Variants in TTC34 observed in about 807,000 individuals in gnomAD.
TTC34 encodes the protein tetratricopeptide repeat protein 34.
In TTC34, 44 loss-of-function variants were observed where a neutral mutation model predicts 40.7. The observed-to-expected ratio is 1.08, with a 90% CI of 0.85 to 1.39. The LOEUF is 1.39. Among genes scored for constraint, TTC34 ranks in the 40% most tolerant of loss-of-function variants. The probability of loss-of-function intolerance (pLI) is 0.00; values close to 1 mark genes in which losing one functional copy is unlikely to be tolerated. For missense variants in TTC34, 884 were observed against 838.0 expected (o/e 1.05, Z -0.68); for synonymous variants, 422 against 398.6 (o/e 1.06, Z -0.70).
chr1:2,677,736 AG>A (rs1639964983), intron 6 of TTC34, among the ~76,000 whole-genome samples: 1 of 150,078 alleles, frequency 6.7e-6, no homozygotes, highest in Non-Finnish European at 1.5e-5. Context: ...CTGCACCCCC[AG>A]GTGAGCATCT....
At chr1:2,646,463 C>T (rs1268045608) in intron 6 of TTC34, among the ~76,000 whole-genome samples, 1 of 152,196 alleles carries the variant, frequency 6.6e-6, no homozygotes, top group East Asian at 1.9e-4. Context: ...TGGTTCACTG[C>T]AACCTTGAGC....
At chr1:2,783,861 G>T in intron 5 of TTC34, 86 bp from the exon 6 acceptor site, 2 of 1,274,848 alleles carry the variant, frequency 1.6e-6, no homozygotes, top group East Asian at 2.9e-5. Context: ...GGAGGGCAGA[G>T]GGTGCATGAG....
intron 5 of TTC34, among the ~76,000 whole-genome samples, chr1:2,784,746 T>C (rs1403063384): frequency 6.6e-6 from 1 of 152,260 alleles, no homozygotes; most frequent in Non-Finnish European, 1.5e-5. Flanking sequence ...TAATGATTAA[T>C]AATGATTAAT....
intron 6 of TTC34, chr1:2,776,270 G>C (rs1643152702): frequency 9.0e-6 from 1 of 111,684 alleles, no homozygotes; most frequent in Admixed American, 8.3e-5. Flanking sequence ...CGACAGCCTG[G>C]AACAGCAGCT....
At position 2,796,273 on chromosome 1, in the gene TTC34, G is replaced by A. The variant is rs1256761410; in HGVS notation, c.784+3771C>T. Among the ~76,000 whole-genome samples the A allele has an allele frequency of 2.0e-5, 3 of 152,190 alleles. No individual in the cohort carries two copies. Among genetic ancestry groups the A allele is most frequent in the African/African-American group, 7.2e-5 (3 of 41,438 alleles). ...CGACTGGTTTGTGCAATGTTTCCAA[G>A]GACTTTGGAAAGTAACCTCCAGATG... is the stretch of plus-strand genomic sequence containing the variant. On this transcript the variant is annotated intron_variant, in intron 2 of 8. Transcript: ENST00000401095. The surrounding 1 kb of genome is among the most constrained non-coding windows in gnomAD (Gnocchi z 4.5).
At position 2,645,205 on chromosome 1, in the gene TTC34, T is replaced by C. The variant is rs942178540; in HGVS notation, c.2497+88A>G. 3.7e-6 allele frequency: 5 copies of C among 1,347,122 alleles called. No individual in the cohort carries two copies. The African/African-American group carries it at 6.0e-5, about 16-fold the overall frequency. 83.4% of individuals were successfully genotyped at this position (1,347,122 alleles called of 1,614,324 possible). On this transcript the variant is annotated intron_variant, in intron 7 of 8. Coordinates refer to ENST00000401095, the Ensembl canonical transcript of TTC34. This position sits in a 1 kb window ranked among gnomAD's most constrained non-coding sequence, Gnocchi z 4.7. ...GCTGTTGTGGTCCGGGTCTCTTTCT[T>C]CCATTTTTACAGAACAGGATACAGA...
At chr1:2,701,469 T>G (rs1263117228) in intron 6 of TTC34, among the ~76,000 whole-genome samples, 14 of 13,386 alleles carry the variant, frequency 1.0e-3, no homozygotes, top group Admixed American at 1.6e-3. Context: ...AATCCCAGGT[T>G]AGCATCTGAC....
rs1446597125 is a variant in TTC34 at position 2,796,630 on chromosome 1, C to A, written c.784+3414G>T. On this transcript the variant is annotated intron_variant, in intron 2 of 8. Coordinates refer to ENST00000401095, the Ensembl canonical transcript of TTC34. This position sits in a 1 kb window ranked among gnomAD's most constrained non-coding sequence, Gnocchi z 4.5. ...CCCACCCACACCCTTAAGTCATGCCCTGCCCCTGCGTGATCATTAAAGTGG... is the reference window on the plus strand; with the variant it reads ...CCCACCCACACCCTTAAGTCATGCCATGCCCCTGCGTGATCATTAAAGTGG... Among the ~76,000 whole-genome samples, 1 of 152,076 alleles carries A rather than the reference C, an allele frequency of 6.6e-6. No homozygotes were observed. Among genetic ancestry groups the A allele is most frequent in the East Asian group, 1.9e-4 (1 of 5,168 alleles).
At chr1:2,653,048 C>A (rs1311336977) in intron 6 of TTC34, among the ~76,000 whole-genome samples, 1 of 152,356 alleles carries the variant, frequency 6.6e-6, no homozygotes, top group African/African-American at 2.4e-5. Context: ...CAACCACACC[C>A]CCAGGCGAGT....
At chr1:2,750,789 C>A (rs1421990856) in intron 6 of TTC34, among the ~76,000 whole-genome samples, 2,092 of 120,262 alleles carry the variant, frequency 0.017, 543 homozygotes, top group African/African-American at 0.078. Context: ...ATCGGAGAGT[C>A]TGGAGCAGCG....
In TTC34 at chr1:2,761,078, C is replaced by T. The variant is rs1434413222; in HGVS notation, c.2226+22531G>A. 2.9e-5 allele frequency among the ~76,000 whole-genome samples: 2 copies of T among 69,958 alleles called. 1 individual carries two copies. Among genetic ancestry groups the T allele is most frequent in the Admixed American group, 2.6e-4 (2 of 7,668 alleles). The allele number at this position is 69,958 out of a possible 152,430, so 45.9% of individuals were successfully genotyped here. On this transcript the variant is annotated intron_variant, in intron 6 of 8. Coordinates refer to ENST00000401095, the Ensembl canonical transcript of TTC34. ...AGCATCCGAGAGCGTGGAGCAGCATCCTCACCCCAGGTGAGCATCGGACAT... is the reference window on the plus strand; with the variant it reads ...AGCATCCGAGAGCGTGGAGCAGCATTCTCACCCCAGGTGAGCATCGGACAT...
intron 6 of TTC34, among the ~76,000 whole-genome samples, chr1:2,693,292 A>G (rs1640711121): frequency 7.0e-6 from 1 of 141,906 alleles, no homozygotes; most frequent in Non-Finnish European, 1.5e-5. Context: ...GACAGACTGG[A>G]ACTGCACCCC....
At chr1:2,684,441 AG>A (rs1251190552) in intron 6 of TTC34, among the ~76,000 whole-genome samples, 8 of 141,458 alleles carry the variant, frequency 5.7e-5, no homozygotes, top group African/African-American at 1.8e-4. Context: ...CTGCACCCCC[AG>A]GTGAGCATCT....
intron 6 of TTC34, among the ~76,000 whole-genome samples, chr1:2,781,924 GT>G (rs1643490175): frequency 6.6e-6 from 1 of 152,102 alleles, no homozygotes; most frequent in African/African-American, 2.4e-5. Context: ...TTAGTATTTT[GT>G]TGAGGATTTT....
chr1:2,752,173 C>A (rs1266209985), intron 6 of TTC34, among the ~76,000 whole-genome samples: 9 of 116,866 alleles, frequency 7.7e-5, no homozygotes, highest in African/African-American at 1.9e-4. Context: ...CCCACACCAA[C>A]AGGTGAGCAT....
chr1:2,690,221 C>T (rs1400596014), intron 6 of TTC34, among the ~76,000 whole-genome samples: 6 of 146,732 alleles, frequency 4.1e-5, no homozygotes, highest in African/African-American at 1.0e-4. Context: ...CACCCACACC[C>T]CAGGTGAGGA....
At chr1:2,686,401 C>A (rs796964444) in intron 6 of TTC34, among the ~76,000 whole-genome samples, 283 of 130,196 alleles carry the variant, frequency 2.2e-3, no homozygotes, top group Middle Eastern at 4.5e-3. Flanking sequence ...GCACCCACAC[C>A]CACAGGTGAG....
At chr1:2,748,718 C>T (rs1641224985) in intron 6 of TTC34, among the ~76,000 whole-genome samples, 1 of 118,430 alleles carries the variant, frequency 8.4e-6, no homozygotes, top group Non-Finnish European at 1.7e-5. Context: ...ACAGAACCCA[C>T]ACCTCCAGGT....
chr1:2,768,283 C>G (rs1357980185), intron 6 of TTC34, among the ~76,000 whole-genome samples: 1 of 152,106 alleles, frequency 6.6e-6, no homozygotes, highest in Non-Finnish European at 1.5e-5. Context: ...ATGGAAGGTG[C>G]CATTGTAGGT....
Sources: allele counts gnomAD v4.1 joint callset (sites outside exome capture counted in the v4.1 genomes callset), GRCh38; gene constraint gnomAD v4.1.1; non-coding constraint Gnocchi (gnomAD v3.1); transcripts MANE v1.5; gene names NCBI Gene and HGNC (gene_info 2026-07-23, HGNC 2026-07-21).